Variants in NR3C2 observed in about 807,000 individuals in gnomAD.
The protein encoded by NR3C2 is mineralocorticoid receptor.
A neutral mutation model predicts 86.4 loss-of-function variants in NR3C2; 15 were observed. That is an observed-to-expected ratio of 0.17 (90% CI 0.12 to 0.27). The LOEUF is 0.27. NR3C2 is among the 10% of genes least tolerant of loss of function. The pLI, the probability that NR3C2 is intolerant of heterozygous loss-of-function variation, is 1.00. For missense variants in NR3C2, 960 were observed against 1,195.6 expected, an observed-to-expected ratio of 0.80 and a Z score of 2.91; for synonymous variants, 458 against 450.5, an observed-to-expected ratio of 1.02 and a Z score of -0.21.
At chr4:148,103,678 C>A (rs1001578718) in intron 8 of NR3C2, among the ~76,000 whole-genome samples, 11 of 152,330 alleles carry the variant, frequency 7.2e-5, no homozygotes, top group African/African-American at 2.6e-4. Flanking sequence ...TGAACCTATT[C>A]CAAACCCTAG....
intron 4 of NR3C2, among the ~76,000 whole-genome samples, chr4:148,167,639 T>C (rs1734938069): frequency 6.6e-6 from 1 of 152,230 alleles, no homozygotes; most frequent in Non-Finnish European, 1.5e-5. Flanking sequence ...TGGCACACAG[T>C]AGGCACTAAA....
intron 2 of NR3C2, among the ~76,000 whole-genome samples, chr4:148,351,552 G>A (rs1457332285): frequency 1.3e-5 from 2 of 152,102 alleles, no homozygotes; most frequent in African/African-American, 4.8e-5. Context: ...TGTCAGCAGT[G>A]GGATCCTGGA....
At chr4:148,262,320 G>A (rs1740164190) in intron 2 of NR3C2, among the ~76,000 whole-genome samples, 4 of 151,748 alleles carry the variant, frequency 2.6e-5, no homozygotes, top group Non-Finnish European at 5.9e-5. Flanking sequence ...TACTTTCTCG[G>A]TGATCTCATC....
intron 3 of NR3C2, among the ~76,000 whole-genome samples, chr4:148,212,143 A>C (rs1359219041): frequency 6.6e-6 from 1 of 152,234 alleles, no homozygotes; most frequent in East Asian, 1.9e-4. Context: ...TGGGCCCCGC[A>C]GCACTGCATT....
rs151182373 is a variant in NR3C2 at position 148,331,528 on chromosome 4, T to C, written c.1758-71411A>G. ...ATCAGAGGTATTCCCAGGATGAAAG[T>C]TACATAAAGTATATATCCACAAAGT... is the stretch of plus-strand genomic sequence containing the variant. On this transcript the variant is annotated intron_variant, in intron 2 of 8. Transcript: ENST00000358102. 6.8e-3 allele frequency among the ~76,000 whole-genome samples: 1,032 copies of C among 152,282 alleles called. 11 individuals are homozygous for C. Among genetic ancestry groups the C allele is most frequent in the African/African-American group, 0.024 (985 of 41,558 alleles).
chr4:148,380,849 A>T (rs1321626510), intron 2 of NR3C2, among the ~76,000 whole-genome samples: 3 of 152,236 alleles, frequency 2.0e-5, no homozygotes, highest in Non-Finnish European at 4.4e-5. Context: ...ATACACAGTT[A>T]ATCAGTATTT....
intron 2 of NR3C2, among the ~76,000 whole-genome samples, chr4:148,289,611 ACC>A (rs1272017176): frequency 2.0e-5 from 3 of 152,180 alleles, no homozygotes; most frequent in African/African-American, 7.2e-5. Context: ...ATAACAACAT[ACC>A]TTAGACTGGG....
At chr4:148,232,934 CCT>C (rs1461315417) in intron 3 of NR3C2, among the ~76,000 whole-genome samples, 1 of 152,212 alleles carries the variant, frequency 6.6e-6, no homozygotes, top group Non-Finnish European at 1.5e-5. Flanking sequence ...TGCTTCCTGA[CCT>C]CTTTTAGCCT....
chr4:148,096,878 G>C (rs10032020), intron 8 of NR3C2, among the ~76,000 whole-genome samples: 39,207 of 152,030 alleles, frequency 0.26, 6,694 homozygotes, highest in African/African-American at 0.49. Context: ...ACTACGTGGC[G>C]CACTACAGAA....
intron 2 of NR3C2, among the ~76,000 whole-genome samples, chr4:148,264,613 G>C (rs1333028850): frequency 6.6e-6 from 1 of 152,172 alleles, no homozygotes; most frequent in African/African-American, 2.4e-5. Context: ...TGAAACCTTT[G>C]CAAAATCACC....
chr4:148,187,059 T>G, intron 4 of NR3C2, among the ~76,000 whole-genome samples: 1 of 144,190 alleles, frequency 6.9e-6, no homozygotes, highest in African/African-American at 2.5e-5. Context: ...AACTGTGATA[T>G]ATATATATGA....
chr4:148,187,076 T>C (rs971939882), intron 4 of NR3C2, among the ~76,000 whole-genome samples: 1 of 145,762 alleles, frequency 6.9e-6, no homozygotes, highest in African/African-American at 2.5e-5. Context: ...ATGATATATG[T>C]GATATGTATA....
chr4:148,274,732 T>C (rs1026472643), intron 2 of NR3C2, among the ~76,000 whole-genome samples: 1 of 146,316 alleles, frequency 6.8e-6, no homozygotes, highest in African/African-American at 2.5e-5. Flanking sequence ...TGAGATGGAG[T>C]TTCACTCCAG....
chr4:148,362,846 G>A (rs904089300), intron 2 of NR3C2, among the ~76,000 whole-genome samples: 5 of 152,186 alleles, frequency 3.3e-5, no homozygotes, highest in Non-Finnish European at 4.4e-5. Flanking sequence ...CTTAAGCAGG[G>A]AATTGTAGGA....
At chr4:148,197,138 T>C (rs892614626) in intron 3 of NR3C2, among the ~76,000 whole-genome samples, 3 of 152,238 alleles carry the variant, frequency 2.0e-5, no homozygotes, top group African/African-American at 7.2e-5. Context: ...GAGAGGTTTT[T>C]CTAAATACTA....
intron 2 of NR3C2, among the ~76,000 whole-genome samples, chr4:148,326,234 C>A (rs375592180): frequency 1.8e-3 from 243 of 133,480 alleles, no homozygotes; most frequent in Non-Finnish European, 2.4e-3. Context: ...ACTAAAAATA[C>A]AAAAAAAAAA....
chr4:148,375,685 C>G (rs1471908382), intron 2 of NR3C2, among the ~76,000 whole-genome samples: 1 of 151,924 alleles, frequency 6.6e-6, no homozygotes, highest in East Asian at 1.9e-4. Flanking sequence ...TCAAAAAATA[C>G]AAAATTTCCA....
At chr4:148,277,803 G>A (rs1277830128) in intron 2 of NR3C2, among the ~76,000 whole-genome samples, 1 of 152,114 alleles carries the variant, frequency 6.6e-6, no homozygotes, top group African/African-American at 2.4e-5. Context: ...CAGACACCCT[G>A]CTAGCTTTGT....
chr4:148,179,118 C>T (rs536702052), intron 4 of NR3C2, among the ~76,000 whole-genome samples: 6 of 151,498 alleles, frequency 4.0e-5, no homozygotes, highest in African/African-American at 1.4e-4. Context: ...GTGTCATGAA[C>T]AAAAACCACA....
Sources: gnomAD v4.1 joint callset for allele counts (sites outside exome capture counted in the v4.1 genomes callset) on GRCh38, gnomAD v4.1.1 for gene constraint, MANE v1.5 for transcripts, NCBI Gene and HGNC (gene_info 2026-07-23, HGNC 2026-07-21) for gene names.